Variants in FOXO1 observed in about 807,000 individuals in gnomAD.
The protein encoded by FOXO1 is forkhead box O1.
A neutral mutation model predicts 44.1 loss-of-function variants in FOXO1; 6 were observed. The ratio of observed to expected loss-of-function variants is 0.14; its 90% confidence interval spans 0.07 to 0.27. The LOEUF (loss-of-function observed/expected upper bound fraction) is 0.27, where lower values mean the gene tolerates loss of function less well. Among genes scored for constraint, FOXO1 ranks in the 10% least tolerant of loss-of-function variants. The pLI is 1.00. For missense variants in FOXO1, 737 were observed against 888.8 expected (o/e 0.83, Z 2.17); for synonymous variants, 380 against 362.7 (o/e 1.05, Z -0.54).
intron 1 of FOXO1, among the ~76,000 whole-genome samples, chr13:40,571,984 C>A (rs1593383182): frequency 1.3e-5 from 2 of 152,152 alleles, no homozygotes; most frequent in African/African-American, 2.4e-5. Context: ...CATTTTAAAG[C>A]TTTCTAAAAT....
intron 1 of FOXO1, among the ~76,000 whole-genome samples, chr13:40,585,111 A>G (rs1875106769): frequency 6.6e-6 from 1 of 152,210 alleles, no homozygotes; most frequent in Admixed American, 6.5e-5. Context: ...CCAAATAATA[A>G]AAGGCAATTC....
chr13:40,655,369 A>G (rs956958583), intron 1 of FOXO1, among the ~76,000 whole-genome samples: 2 of 145,000 alleles, frequency 1.4e-5, no homozygotes, highest in Non-Finnish European at 3.0e-5. Context: ...AAAAAAAAAA[A>G]TTAGACTGGC....
intron 1 of FOXO1, chr13:40,619,188 G>C (rs1196596826): frequency 2.8e-6 from 1 of 358,752 alleles, no homozygotes; most frequent in Non-Finnish European, 5.3e-6. Context: ...CAGCTACTCA[G>C]GAGGCTGAGG....
intron 1 of FOXO1, among the ~76,000 whole-genome samples, chr13:40,607,318 T>A (rs1158864334): frequency 6.6e-6 from 1 of 152,212 alleles, no homozygotes; most frequent in Non-Finnish European, 1.5e-5. Flanking sequence ...TCTATGTCAA[T>A]CTTGCTTGGA....
intron 1 of FOXO1, among the ~76,000 whole-genome samples, chr13:40,574,006 T>A (rs1267098743): frequency 6.6e-6 from 1 of 152,244 alleles, no homozygotes. Context: ...TTAGTCCTCA[T>A]TGTTTCAGCG....
intron 1 of FOXO1, among the ~76,000 whole-genome samples, chr13:40,661,021 T>C (rs921477718): frequency 8.5e-5 from 13 of 152,120 alleles, no homozygotes; most frequent in African/African-American, 3.1e-4. Flanking sequence ...AGGCCACTCT[T>C]CTCGCCATCC....
intron 1 of FOXO1, among the ~76,000 whole-genome samples, chr13:40,641,848 T>C (rs1258232132): frequency 6.6e-6 from 1 of 152,082 alleles, no homozygotes; most frequent in Non-Finnish European, 1.5e-5. Context: ...TAGCAGGGCA[T>C]GGTGGCGCAT....
intron 1 of FOXO1, among the ~76,000 whole-genome samples, chr13:40,629,794 G>A (rs958279397): frequency 2.4e-4 from 36 of 152,146 alleles, no homozygotes; most frequent in African/African-American, 7.5e-4. Context: ...TGTGGGCTTC[G>A]GCTAAAACCT....
chr13:40,582,808 C>T (rs1324026875), intron 1 of FOXO1, among the ~76,000 whole-genome samples: 1 of 152,186 alleles, frequency 6.6e-6, no homozygotes, highest in Non-Finnish European at 1.5e-5. Flanking sequence ...CCAGGTCATC[C>T]ATGAAGACTG....
intron 1 of FOXO1, among the ~76,000 whole-genome samples, chr13:40,588,135 A>G (rs1191385107): frequency 2.6e-5 from 4 of 152,182 alleles, no homozygotes; most frequent in Non-Finnish European, 5.9e-5. Context: ...AGAATCCTAC[A>G]TTTAAATAAA....
At chr13:40,596,395 G>A (rs1875578517) in intron 1 of FOXO1, among the ~76,000 whole-genome samples, 1 of 152,154 alleles carries the variant, frequency 6.6e-6, no homozygotes, top group Non-Finnish European at 1.5e-5. Context: ...GCTTTCTGAA[G>A]ACTACCTTGC....
At chr13:40,598,520 A>T (rs1593394122) in intron 1 of FOXO1, among the ~76,000 whole-genome samples, 1 of 152,314 alleles carries the variant, frequency 6.6e-6, no homozygotes, top group South Asian at 2.1e-4. Context: ...AAATCACACA[A>T]CATCAAAACT....
intron 1 of FOXO1, among the ~76,000 whole-genome samples, chr13:40,606,908 G>A (rs1876020590): frequency 6.6e-6 from 1 of 152,068 alleles, no homozygotes. Flanking sequence ...TTTTCTATCA[G>A]GTAAAGACCA....
chr13:40,612,110 T>A (rs1593399641), intron 1 of FOXO1, among the ~76,000 whole-genome samples: 2 of 151,924 alleles, frequency 1.3e-5, no homozygotes, highest in South Asian at 4.2e-4. Context: ...AAATAAAAAC[T>A]CTACTAGAGG....
chr13:40,588,438 T>G (rs1203250228), intron 1 of FOXO1, among the ~76,000 whole-genome samples: 1 of 152,226 alleles, frequency 6.6e-6, no homozygotes, highest in Non-Finnish European at 1.5e-5. Flanking sequence ...TGTGGGCGGT[T>G]AAACCCTCCA....
chr13:40,575,758 C>A (rs1477076021), intron 1 of FOXO1, among the ~76,000 whole-genome samples: 14 of 152,290 alleles, frequency 9.2e-5, no homozygotes, highest in Admixed American at 1.3e-4. Flanking sequence ...CTCCCTGCCT[C>A]CCATGGTCTT....
chr13:40,662,555 T>C (rs1281529365), intron 1 of FOXO1, among the ~76,000 whole-genome samples: 3 of 152,218 alleles, frequency 2.0e-5, no homozygotes, highest in Non-Finnish European at 4.4e-5. Flanking sequence ...ACATTTAACA[T>C]ACCATCCCCA....
intron 1 of FOXO1, among the ~76,000 whole-genome samples, chr13:40,655,715 T>A (rs1259137174): frequency 7.1e-6 from 1 of 141,468 alleles, no homozygotes; most frequent in Non-Finnish European, 1.5e-5. Context: ...TAATCTCAGC[T>A]CACTACAGCC....
At chr13:40,644,058 G>A (rs559075240) in intron 1 of FOXO1, among the ~76,000 whole-genome samples, 3 of 152,208 alleles carry the variant, frequency 2.0e-5, no homozygotes, top group Non-Finnish European at 4.4e-5. Context: ...GCAAATGCTA[G>A]AGGGAATTCT....
Sources: allele counts gnomAD v4.1 joint callset (sites outside exome capture counted in the v4.1 genomes callset), GRCh38; gene constraint gnomAD v4.1.1; transcripts MANE v1.5; gene names NCBI Gene and HGNC (gene_info 2026-07-23, HGNC 2026-07-21).